The following SCHIP1 variants were observed in gnomAD, a reference collection of about 807,000 sequenced individuals.
SCHIP1 encodes the protein schwannomin-interacting protein 1.
SCHIP1 carries 8 observed loss-of-function variants against 29.7 expected under a neutral mutation model. The observed-to-expected ratio is 0.27, with a 90% CI of 0.16 to 0.49. The LOEUF (loss-of-function observed/expected upper bound fraction) is 0.49, where lower values mean the gene tolerates loss of function less well. Ranked by LOEUF, SCHIP1 falls within the 20% of genes least tolerant of loss-of-function variation. The pLI is 0.99. For synonymous variants in SCHIP1, 76 were observed against 94.9 expected (o/e 0.80, Z 1.16); for missense variants, 193 against 294.6 (o/e 0.66, Z 2.52).
the SCHIP1 span, among the ~76,000 whole-genome samples, chr3:159,424,849 G>A: frequency 1.3e-5 from 2 of 152,302 alleles, no homozygotes; most frequent in African/African-American, 4.8e-5. Flanking sequence ...TCTCTCGGCA[G>A]AAACTCTAAA....
At chr3:159,742,539 G>C in the SCHIP1 span, among the ~76,000 whole-genome samples, 1 of 152,168 alleles carries the variant, frequency 6.6e-6, no homozygotes. Context: ...ACAGAAGCAA[G>C]TCCTTTGGAC....
the SCHIP1 span, among the ~76,000 whole-genome samples, chr3:159,778,068 G>A: frequency 2.0e-5 from 3 of 151,638 alleles, no homozygotes; most frequent in Non-Finnish European, 2.9e-5. Context: ...CACTGCACCC[G>A]CCTCCCGGGT....
At chr3:159,388,296 C>T in the SCHIP1 span, among the ~76,000 whole-genome samples, 4 of 151,968 alleles carry the variant, frequency 2.6e-5, no homozygotes, top group South Asian at 8.3e-4. Flanking sequence ...ACCAATTGCA[C>T]TTAGAAAATG....
At chr3:159,710,481 G>C in the SCHIP1 span, among the ~76,000 whole-genome samples, 2 of 152,050 alleles carry the variant, frequency 1.3e-5, no homozygotes, top group Non-Finnish European at 2.9e-5. Context: ...TATTGCACAA[G>C]GTAACTATAG....
the SCHIP1 span, among the ~76,000 whole-genome samples, chr3:159,445,007 A>G: frequency 4.6e-5 from 7 of 152,126 alleles, no homozygotes; most frequent in Non-Finnish European, 1.0e-4. Context: ...AATGGCAACA[A>G]AAGCCAAAAT....
the SCHIP1 span, among the ~76,000 whole-genome samples, chr3:159,715,820 A>T: frequency 2.0e-5 from 3 of 152,216 alleles, no homozygotes; most frequent in Non-Finnish European, 4.4e-5. Flanking sequence ...AAGTTGGAAA[A>T]CACTCTGCAG....
the SCHIP1 span, among the ~76,000 whole-genome samples, chr3:159,802,070 T>TA: frequency 6.6e-6 from 1 of 152,196 alleles, no homozygotes; most frequent in Admixed American, 6.5e-5. Flanking sequence ...TCTATGGACT[T>TA]AAAATCCATA....
At chr3:159,685,455 C>T in the SCHIP1 span, among the ~76,000 whole-genome samples, 5 of 152,102 alleles carry the variant, frequency 3.3e-5, no homozygotes, top group South Asian at 2.1e-4. Context: ...TTAGAATCAA[C>T]GACCCAAAAT....
At chr3:159,665,969 A>T in the SCHIP1 span, among the ~76,000 whole-genome samples, 1 of 151,892 alleles carries the variant, frequency 6.6e-6, no homozygotes, top group Non-Finnish European at 1.5e-5. Flanking sequence ...TCTCCATGCT[A>T]CTCTGCAGAG....
the SCHIP1 span, among the ~76,000 whole-genome samples, chr3:159,704,892 C>A: frequency 0.022 from 1,719 of 76,862 alleles, 12 homozygotes; most frequent in African/African-American, 0.05. Flanking sequence ...TTCTTTCTTT[C>A]TTTCTTTCTT....
At chr3:159,825,937 G>A in the SCHIP1 span, among the ~76,000 whole-genome samples, 3 of 152,160 alleles carry the variant, frequency 2.0e-5, no homozygotes, top group African/African-American at 4.8e-5. Context: ...TTGCAGGCAC[G>A]AGCTTGGCTT....
At chr3:159,606,217 G>A in the SCHIP1 span, among the ~76,000 whole-genome samples, 14 of 152,078 alleles carry the variant, frequency 9.2e-5, no homozygotes, top group African/African-American at 3.4e-4. Context: ...AGCACTCACT[G>A]GTAGCTTTTT....
At chr3:159,366,187 G>A in the SCHIP1 span, among the ~76,000 whole-genome samples, 2 of 152,224 alleles carry the variant, frequency 1.3e-5, no homozygotes, top group South Asian at 2.1e-4. Context: ...GAGAAAGAGA[G>A]TGGGCTGGGA....
chr3:159,509,782 G>A, the SCHIP1 span, among the ~76,000 whole-genome samples: 270 of 152,302 alleles, frequency 1.8e-3, no homozygotes, highest in Non-Finnish European at 2.3e-3. Flanking sequence ...CTTTAAGAAT[G>A]TTGACTATTG....
chr3:159,398,250 G>A, the SCHIP1 span, among the ~76,000 whole-genome samples: 64 of 152,056 alleles, frequency 4.2e-4, no homozygotes, highest in Admixed American at 9.2e-4. Flanking sequence ...AGATGAACCC[G>A]GTACCTCAGA....
At chr3:159,401,447 C>T in the SCHIP1 span, 4 of 730,642 alleles carry the variant, frequency 5.5e-6, no homozygotes, top group African/African-American at 1.9e-5. Flanking sequence ...TTTACCCTCT[C>T]GTTATATGCC....
At chr3:159,625,660 T>C in the SCHIP1 span, among the ~76,000 whole-genome samples, 2 of 152,122 alleles carry the variant, frequency 1.3e-5, no homozygotes, top group African/African-American at 4.8e-5. Flanking sequence ...AGGCTACAAA[T>C]GGGCTCTTTT....
the SCHIP1 span, chr3:159,273,266 C>T: frequency 1.0e-6 from 1 of 985,828 alleles, no homozygotes; most frequent in Non-Finnish European, 1.2e-6. Flanking sequence ...TCTGTGAAAG[C>T]CACAGAGCCT....
chr3:159,277,893 C>T, the SCHIP1 span, among the ~76,000 whole-genome samples: 1 of 150,004 alleles, frequency 6.7e-6, no homozygotes, highest in Non-Finnish European at 1.5e-5. Flanking sequence ...CCAGCCTGGA[C>T]AACGAGCAAA....
Sources: gnomAD v4.1 joint callset for allele counts (sites outside exome capture counted in the v4.1 genomes callset) on GRCh38, gnomAD v4.1.1 for gene constraint, MANE v1.5 for transcripts, NCBI Gene and HGNC (gene_info 2026-07-23, HGNC 2026-07-21) for gene names.